Variants in HHLA1 observed in about 807,000 individuals in gnomAD.
The protein encoded by HHLA1 is HHLA1 neighbor of OC90.
Under a neutral mutation model 69.9 loss-of-function variants are expected in HHLA1, and 72 were observed. The observed-to-expected ratio is 1.03, with a 90% CI of 0.85 to 1.25. The LOEUF is 1.25. Among genes scored for constraint, HHLA1 ranks in the 50% most tolerant of loss-of-function variants. The pLI is 0.00. For synonymous variants in HHLA1, 252 were observed against 233.2 expected (o/e 1.08, Z -0.73); for missense variants, 685 against 642.2 (o/e 1.07, Z -0.72).
intron 14 of HHLA1, among the ~76,000 whole-genome samples, chr8:132,073,790 G>A (rs1008578563): frequency 6.6e-6 from 1 of 152,106 alleles, no homozygotes; most frequent in African/African-American, 2.4e-5. Context: ...ATGATTTTTG[G>A]TTCCCTCCTG....
At chr8:132,064,387 T>G (rs1310469238) in intron 16 of HHLA1, among the ~76,000 whole-genome samples, 1 of 152,248 alleles carries the variant, frequency 6.6e-6, no homozygotes, top group African/African-American at 2.4e-5. Context: ...TAATACGTTG[T>G]GTGCATAGAG....
Position 132,080,212 on chromosome 8 carries a change from A to C in HHLA1, c.677-246T>G, listed in dbSNP as rs779694233. On this transcript the variant is annotated intron_variant, in intron 10 of 16. Transcript: ENST00000414222. ...TTTGGAAGAGGAATTAGTCTCCTCC[A>C]TATGCCTTATGGATACAACTAAATT... is the stretch of plus-strand genomic sequence containing the variant. The C allele has an allele frequency of 1.3e-5, 8 of 605,704 alleles. 1 individual carries two copies. Among genetic ancestry groups the C allele is most frequent in the South Asian group, 1.2e-4 (8 of 64,412 alleles). The allele number at this position is 605,704 out of a possible 1,614,324, so 37.5% of individuals were successfully genotyped here.
At chr8:132,107,585 C>G (rs1224134589) in intron 1 of HHLA1, among the ~76,000 whole-genome samples, 1 of 152,160 alleles carries the variant, frequency 6.6e-6, no homozygotes, top group Non-Finnish European at 1.5e-5. Context: ...CAGGCATGAG[C>G]CACCGCGCTT....
chr8:132,088,175 A>C (rs1309680144), intron 8 of HHLA1, among the ~76,000 whole-genome samples: 1 of 152,138 alleles, frequency 6.6e-6, no homozygotes, highest in Admixed American at 6.5e-5. Flanking sequence ...ACATGAATGA[A>C]TTGCTTGACC....
Position 132,087,833 on chromosome 8 carries a change from C to G in HHLA1, c.589+12G>C. The stretch of plus-strand genomic sequence containing the variant: ...GCCCAGAGAGCTTGTCAAAGAATGT[C>G]TAGTGGTTTACCTGACTTTCCTGTC... On this transcript the variant is annotated intron_variant, in intron 9 of 16. Coordinates refer to ENST00000414222, the MANE Select transcript of HHLA1 (RefSeq NM_001145095.3). The G allele has an allele frequency of 1.3e-6, 2 of 1,550,606 alleles. No individual in the cohort carries two copies. The highest frequency in any genetic ancestry group is 4.9e-5 in the East Asian group (2 of 40,916).
rs1824017453 is a variant in HHLA1, at chr8:132,095,823, C to T, written c.281-37G>A. 4.6e-6 allele frequency: 6 copies of T among 1,297,412 alleles called. No individual in the cohort carries two copies. In the African/African-American group the frequency reaches 9.0e-5, roughly 19 times the overall value. The allele number at this position is 1,297,412 out of a possible 1,614,324, so 80.4% of individuals were successfully genotyped here. A position where few individuals can be genotyped will look rare whatever the true frequency, so the allele number is the denominator to read the frequency against. ...TACCAGATAAAGAGACAGACAGATG[C>T]CTACTAACGTAACAATAATACAAAT... On this transcript the variant is annotated intron_variant, in intron 5 of 16. Transcript: ENST00000414222.
chr8:132,081,051 G>T (rs1340600136), intron 10 of HHLA1: 1 of 152,188 alleles, frequency 6.6e-6, no homozygotes, highest in Non-Finnish European at 1.5e-5. Flanking sequence ...TGCCTAAGGA[G>T]ATTCAGCATA....
At chr8:132,095,398 GGTTAAGGGT>G (rs1422419679) in intron 7 of HHLA1, 112 bp downstream of exon 7, 1 of 583,648 alleles carries the variant, frequency 1.7e-6, no homozygotes, top group Non-Finnish European at 3.0e-6. Flanking sequence ...ATGAGCACAT[GGTTAAGGGT>G]AGTGGATAGG....
At chr8:132,068,275 G>T (rs535542942) in intron 15 of HHLA1, among the ~76,000 whole-genome samples, 1 of 152,276 alleles carries the variant, frequency 6.6e-6, no homozygotes, top group South Asian at 2.1e-4. Context: ...AATTCACTTT[G>T]AAAGTGTACA....
At chr8:132,096,027 C>G (rs1172138910) in intron 5 of HHLA1, among the ~76,000 whole-genome samples, 2 of 152,208 alleles carry the variant, frequency 1.3e-5, no homozygotes, top group African/African-American at 2.4e-5. Flanking sequence ...TGTGGCAACT[C>G]TCTAAGAAAG....
intron 14 of HHLA1, among the ~76,000 whole-genome samples, chr8:132,073,040 T>C (rs1213224491): frequency 1.3e-5 from 2 of 152,268 alleles, no homozygotes; most frequent in Non-Finnish European, 1.5e-5. Flanking sequence ...CATTACTTAA[T>C]GAGTTCAATA....
In HHLA1 at chr8:132,063,174, G is replaced by T. The variant is rs1468476750; in HGVS notation, c.*821C>A. On this transcript the variant is annotated 3_prime_UTR_variant, in exon 17 of 17. Transcript: ENST00000414222. ...CTGTGCAACCCCACTGGAAGCTTGTGCCTGGGCTCTCTTGGACTCTCTCTA... is the reference window on the plus strand; with the variant it reads ...CTGTGCAACCCCACTGGAAGCTTGTTCCTGGGCTCTCTTGGACTCTCTCTA... 1 of 152,226 alleles carries T rather than the reference G, an allele frequency of 6.6e-6. No homozygotes were observed. The highest frequency in any genetic ancestry group is 2.4e-5 in the African/African-American group (1 of 41,442). 9.4% of individuals were successfully genotyped at this position (152,226 alleles called of 1,614,324 possible). A position where few individuals can be genotyped will look rare whatever the true frequency, so the allele number is the denominator to read the frequency against.
chr8:132,106,759 C>A (rs149013070), intron 1 of HHLA1, among the ~76,000 whole-genome samples: 317 of 152,290 alleles, frequency 2.1e-3, no homozygotes, highest in Admixed American at 3.5e-3. Flanking sequence ...GTGCTAAATT[C>A]TCCACTGAGA....
At chr8:132,075,379 TCAA>T (rs753645391) in intron 14 of HHLA1, among the ~76,000 whole-genome samples, 1 of 152,092 alleles carries the variant, frequency 6.6e-6, no homozygotes, top group Non-Finnish European at 1.5e-5. Context: ...GGAATCTGGC[TCAA>T]CAGAAAAGAG....
rs117954046 is a variant in HHLA1, at chr8:132,073,836, A to G, written c.1315+2219T>C. Among the ~76,000 whole-genome samples the G allele has an allele frequency of 8.2e-4, 125 of 152,056 alleles. 3 individuals carry two copies. The East Asian group carries it at 0.024, about 29-fold the overall frequency. ...ATCATCACCGCATCCTCTTGGTTCT[A>G]TCTCCTACATATCACCCAAGTCTCC... On this transcript the variant is annotated intron_variant, in intron 14 of 16. Coordinates refer to ENST00000414222, the MANE Select transcript of HHLA1 (RefSeq NM_001145095.3).
intron 15 of HHLA1, among the ~76,000 whole-genome samples, chr8:132,066,830 C>T (rs1187907685): frequency 6.6e-6 from 1 of 152,192 alleles, no homozygotes; most frequent in Non-Finnish European, 1.5e-5. Flanking sequence ...TAAATGACTT[C>T]CCCAAGGGAT....
intron 7 of HHLA1, among the ~76,000 whole-genome samples, chr8:132,090,585 T>G (rs1286093985): frequency 1.3e-5 from 2 of 152,134 alleles, no homozygotes; most frequent in East Asian, 3.9e-4. Flanking sequence ...CAACAGATGA[T>G]GGGCACTACT....
At chr8:132,089,283 C>T (rs1031091011) in intron 8 of HHLA1, among the ~76,000 whole-genome samples, 4 of 152,128 alleles carry the variant, frequency 2.6e-5, no homozygotes, top group Non-Finnish European at 5.9e-5. Context: ...AACTTTTGAG[C>T]TTTGGATTCT....
At chr8:132,109,995 C>T (rs905123850) in intron 1 of HHLA1, among the ~76,000 whole-genome samples, 1 of 151,598 alleles carries the variant, frequency 6.6e-6, no homozygotes, top group Admixed American at 6.6e-5. Flanking sequence ...GCCCTGGAGC[C>T]GGGAGTGTGG....
Sources: gnomAD v4.1 joint callset for allele counts (sites outside exome capture counted in the v4.1 genomes callset) on GRCh38, gnomAD v4.1.1 for gene constraint, MANE v1.5 for transcripts, NCBI Gene and HGNC (gene_info 2026-07-23, HGNC 2026-07-21) for gene names.